AKAP9: variants seen among roughly 807,000 people sequenced by gnomAD.
The protein encoded by AKAP9 is A-kinase anchoring protein 9.
Under a neutral mutation model 488.5 loss-of-function variants are expected in AKAP9, and 311 were observed. The ratio of observed to expected loss-of-function variants is 0.64; its 90% CI spans 0.58 to 0.70. AKAP9 has a LOEUF of 0.70. AKAP9 is among the 30% of genes least tolerant of loss of function. The pLI is 0.00. For missense variants in AKAP9, 4,215 were observed against 4,374.5 expected, an observed-to-expected ratio of 0.96 and a Z score of 1.03; for synonymous variants, 1,462 against 1,483.5, an observed-to-expected ratio of 0.99 and a Z score of 0.33.
chr7:91,985,657 C>T (rs146998474), intron 3 of AKAP9, among the ~76,000 whole-genome samples: 1 of 151,908 alleles, frequency 6.6e-6, no homozygotes, highest in Admixed American at 6.6e-5. Flanking sequence ...CACCCCCTTT[C>T]TTTTTTCTGT....
At chr7:92,004,826 T>C (rs1169701909) in intron 8 of AKAP9, among the ~76,000 whole-genome samples, 1 of 152,230 alleles carries the variant, frequency 6.6e-6, no homozygotes, top group Non-Finnish European at 1.5e-5. Context: ...TCCTGCCTGA[T>C]TTCCCTGGCC....
chr7:91,941,060 C>T lies in AKAP9; in HGVS notation c.-40C>T. ...ACCTTTCCTTTCTATCCCCAACCAC[C>T]CCTCAACCCCTGTTTTCCCCTGCCT... On this transcript the variant is annotated 5_prime_UTR_variant, in exon 1 of 50. Transcript: ENST00000356239. The T allele has an allele frequency of 1.3e-6, 2 of 1,591,894 alleles. No individual in the cohort carries two copies. The highest frequency in any genetic ancestry group is 1.1e-5 in the South Asian group (1 of 90,618).
At chr7:92,077,428 G>A (rs1812795214) in intron 29 of AKAP9, among the ~76,000 whole-genome samples, 1 of 151,862 alleles carries the variant, frequency 6.6e-6, no homozygotes, top group South Asian at 2.1e-4. Flanking sequence ...AAATCCAGCT[G>A]TTAAATAATA....
At position 92,037,519 on chromosome 7, in the gene AKAP9, G is replaced by GA. The variant is rs543572508; in HGVS notation, c.4339-895dup. 2.8e-4 allele frequency among the ~76,000 whole-genome samples: 42 copies of GA among 152,258 alleles called. 1 individual carries two copies. In the South Asian group the frequency reaches 8.5e-3, roughly 31 times the overall value. Reference sequence around the variant, plus strand: ...CTTCTTTCATTATAAATTATCTATGGAAAAAGGACTTAAAGTTATTGATAC... The same window carrying GA: ...CTTCTTTCATTATAAATTATCTATGGAAAAAAGGACTTAAAGTTATTGATAC... On this transcript the variant is annotated intron_variant, in intron 16 of 49. Transcript: ENST00000356239.
chr7:91,941,200 G>C (rs1790704951), intron 1 of AKAP9, 53 bp downstream of exon 1: 2 of 1,554,098 alleles, frequency 1.3e-6, no homozygotes, highest in African/African-American at 1.4e-5. Context: ...GGCTAGCACG[G>C]GGTGGGAGGG....
intron 1 of AKAP9, among the ~76,000 whole-genome samples, chr7:91,971,861 G>C (rs947928282): frequency 4.6e-5 from 7 of 151,686 alleles, no homozygotes; most frequent in African/African-American, 1.7e-4. Context: ...GAGCCACCGT[G>C]CCCGGCCTAC....
chr7:92,077,277 G>C (rs1319506631), intron 29 of AKAP9, among the ~76,000 whole-genome samples: 1 of 151,672 alleles, frequency 6.6e-6, no homozygotes, highest in Non-Finnish European at 1.5e-5. Context: ...ATTTTTAGTA[G>C]AGATGGGGTT....
chr7:91,972,448 CAG>C (rs1795215414), intron 1 of AKAP9, among the ~76,000 whole-genome samples: 1 of 152,106 alleles, frequency 6.6e-6, no homozygotes, highest in African/African-American at 2.4e-5. Context: ...AACTGTGAGT[CAG>C]GGGAATATTT....
At position 91,996,394 on chromosome 7, in the gene AKAP9, C is replaced by CCTGTGGCTCTAATTA. The variant is rs1798410594; in HGVS notation, c.930+594_930+595insCTGTGGCTCTAATTA. The stretch of plus-strand genomic sequence containing the variant: ...TTTCTTTATTTTTTAAAAGGGAAAT[C>CCTGTGGCTCTAATTA]AAGGTTCAGAAGTGACTTGCCTGAG... On this transcript the variant is annotated intron_variant, in intron 7 of 49. Transcript: ENST00000356239. Among the ~76,000 whole-genome samples the CCTGTGGCTCTAATTA allele has an allele frequency of 2.0e-5, 3 of 152,108 alleles. No individual in the cohort carries two copies. The South Asian group carries it at 6.2e-4, about 32-fold the overall frequency.
intron 47 of AKAP9, among the ~76,000 whole-genome samples, chr7:92,106,418 AGTAGGGAAGT>A (rs61397978): frequency 0.4 from 60,574 of 151,860 alleles, 12,388 homozygotes; most frequent in African/African-American, 0.47. Flanking sequence ...CAGAATGGCC[AGTAGGGAAGT>A]GATGGAACCA....
intron 21 of AKAP9, 104 bp downstream of exon 21, chr7:92,045,317 C>T: frequency 8.9e-7 from 1 of 1,118,862 alleles, no homozygotes; most frequent in South Asian, 1.3e-5. Flanking sequence ...AAGTATTTTC[C>T]AGCAAATGGA....
At position 92,016,197 on chromosome 7, in the gene AKAP9, A is replaced by G; in HGVS notation, c.3681A>G (p.Lys1227=). 6.3e-7 allele frequency: 1 copy of G among 1,588,246 alleles called. No individual in the cohort carries two copies. The highest frequency in any genetic ancestry group is 8.6e-7 in the Non-Finnish European group (1 of 1,157,478). ...ALKCEVNAED[K]ENSGDYISEN... ...AATGTGAAGTAAATGCAGAAGACAA[A>G]GAGAATTCTGGTGATTACATTTCTG... The change falls in exon 11 of 50, where the codon AAA becomes AAG. Residue 1227 remains lysine (K), a synonymous_variant. Coordinates refer to ENST00000356239, the MANE Select transcript of AKAP9 (RefSeq NM_005751.5).
intron 21 of AKAP9, among the ~76,000 whole-genome samples, chr7:92,048,494 A>G (rs1410603490): frequency 6.6e-6 from 1 of 152,176 alleles, no homozygotes; most frequent in Non-Finnish European, 1.5e-5. Context: ...TGAAAAAAAA[A>G]TTTCCTTTAG....
intron 8 of AKAP9, 86 bp from the exon 9 acceptor site, chr7:92,012,343 G>A (rs938242500): frequency 3.3e-6 from 4 of 1,221,486 alleles, no homozygotes; most frequent in Non-Finnish European, 3.5e-6. Flanking sequence ...TTAAACTCTT[G>A]TAGTCAGTAT....
intron 28 of AKAP9, among the ~76,000 whole-genome samples, chr7:92,076,638 T>C (rs1584446196): frequency 6.6e-6 from 1 of 152,312 alleles, no homozygotes; most frequent in Non-Finnish European, 1.5e-5. Context: ...TCCTCTCTGC[T>C]TTGTGTAGGA....
chr7:92,087,569 T>C (rs1814781671), intron 37 of AKAP9, among the ~76,000 whole-genome samples: 1 of 152,008 alleles, frequency 6.6e-6, no homozygotes, highest in Admixed American at 6.6e-5. Flanking sequence ...AAAAATCTAC[T>C]CATAATACTT....
chr7:92,089,316 A>G, intron 37 of AKAP9, 69 bp from the exon 38 acceptor site: 2 of 1,560,616 alleles, frequency 1.3e-6, no homozygotes, highest in Middle Eastern at 2.3e-4. Flanking sequence ...TCTTCTTTAG[A>G]TTTCTTGGTT....
At chr7:92,037,516 A>G (rs909471252) in intron 16 of AKAP9, among the ~76,000 whole-genome samples, 3 of 152,212 alleles carry the variant, frequency 2.0e-5, no homozygotes, top group Non-Finnish European at 4.4e-5. Context: ...TAAATTATCT[A>G]TGGAAAAAGG....
intron 28 of AKAP9, among the ~76,000 whole-genome samples, chr7:92,071,594 C>G (rs1344822515): frequency 6.6e-6 from 1 of 152,056 alleles, no homozygotes; most frequent in African/African-American, 2.4e-5. Context: ...CCTCAACTTC[C>G]TAATTTATAA....
Sources: gnomAD v4.1 joint callset for allele counts (sites outside exome capture counted in the v4.1 genomes callset) on GRCh38, gnomAD v4.1.1 for gene constraint, MANE v1.5 for transcripts, NCBI Gene and HGNC (gene_info 2026-07-23, HGNC 2026-07-21) for gene names.